Variants in KPNA7 observed in about 807,000 individuals in gnomAD.
KPNA7 encodes the protein karyopherin subunit alpha 7.
KPNA7 carries 54 observed loss-of-function variants against 53.7 expected under a neutral mutation model. The observed-to-expected ratio is 1.01, with a 90% CI of 0.81 to 1.26. The LOEUF is 1.26. KPNA7 is among the 50% of genes most tolerant of loss of function. The pLI, the probability that KPNA7 is intolerant of heterozygous loss-of-function variation, is 0.00. For missense variants in KPNA7, 640 were observed against 644.5 expected, an observed-to-expected ratio of 0.99 and a Z score of 0.07; for synonymous variants, 276 against 259.3, an observed-to-expected ratio of 1.06 and a Z score of -0.62.
At chr7:99,198,687 A>C (rs1422616928) in intron 3 of KPNA7, among the ~76,000 whole-genome samples, 1 of 152,216 alleles carries the variant, frequency 6.6e-6, no homozygotes, top group Non-Finnish European at 1.5e-5. Flanking sequence ...TAATGGTGAA[A>C]GTCTAAAAGA....
In KPNA7 at chr7:99,185,040, G is replaced by C; in HGVS notation, c.1023C>G (p.Ile341Met). The C allele has an allele frequency of 6.4e-7, 1 of 1,551,888 alleles. No individual in the cohort carries two copies. The highest frequency in any genetic ancestry group is 8.7e-7 in the Non-Finnish European group (1 of 1,147,032). Residue 341 changes from isoleucine to methionine, a missense_variant, in exon 8 of 11, where the codon ATC becomes ATG. Transcript: ENST00000327442. The stretch of plus-strand genomic sequence containing the variant: ...TCAGGGCCCAGGCTGCCTCCTTCTG[G>C]ATGGAGGGCTTGTTGTGTTGCAGGA... ...PQLLQHNKPS[I>M]QKEAAWALSN...
upstream of KPNA7, among the ~76,000 whole-genome samples, chr7:99,208,739 G>C (rs1219596360): frequency 6.6e-6 from 1 of 152,210 alleles, no homozygotes; most frequent in Non-Finnish European, 1.5e-5. Context: ...AGTAGGCTGT[G>C]AACACTGTGG....
In KPNA7 at chr7:99,196,105, A is replaced by T. The variant is rs1213769870; in HGVS notation, c.263T>A (p.Phe88Tyr). 3 of 1,551,728 alleles carry T rather than the reference A, an allele frequency of 1.9e-6. No homozygotes were observed. The African/African-American group carries it at 4.1e-5, about 21-fold the overall frequency. Residue 88 changes from phenylalanine to tyrosine, a missense_variant, in exon 4 of 11, where the codon TTC becomes TAC. By Grantham distance (22) the Phe-to-Tyr change is conservative. Coordinates refer to ENST00000327442, the MANE Select transcript of KPNA7 (RefSeq NM_001145715.3). ...ATACCTGGCTGTCTGGGTGGCCTGG[A>T]AACATAGGACTGGATCTGAGCTATT... ...GVNSSDPVLC[F>Y]QATQTARKML... is the part of the protein sequence containing the mutation.
downstream of KPNA7, among the ~76,000 whole-genome samples, chr7:99,171,448 T>A (rs1008287441): frequency 5.9e-5 from 9 of 152,236 alleles, no homozygotes; most frequent in African/African-American, 2.2e-4. Context: ...CCTCATGCGA[T>A]CGTTTGTTTT....
At chr7:99,202,226 G>T (rs977945478) in intron 3 of KPNA7, among the ~76,000 whole-genome samples, 6 of 152,076 alleles carry the variant, frequency 3.9e-5, no homozygotes, top group African/African-American at 1.4e-4. Context: ...GGGTAAAAAG[G>T]GTGCATGTGG....
intron 3 of KPNA7, among the ~76,000 whole-genome samples, chr7:99,196,551 G>A (rs1430440015): frequency 6.6e-6 from 1 of 152,164 alleles, no homozygotes; most frequent in Non-Finnish European, 1.5e-5. Flanking sequence ...ATTGACCAAA[G>A]GCTTGCGGCC....
chr7:99,212,062 A>T (rs1233474600), upstream of KPNA7, among the ~76,000 whole-genome samples: 1 of 151,962 alleles, frequency 6.6e-6, no homozygotes, highest in African/African-American at 2.4e-5. Flanking sequence ...TTGGCTTAAG[A>T]CTATCTCAGG....
Position 99,181,959 on chromosome 7 carries a change from G to A in KPNA7, c.1241C>T (p.Pro414Leu), listed in dbSNP as rs762142648. The A allele has an allele frequency of 6.4e-7, 1 of 1,551,418 alleles. No homozygotes were observed. The highest frequency in any genetic ancestry group is 8.7e-7 in the Non-Finnish European group (1 of 1,146,774). The change falls in exon 9 of 11, where the codon CCA (proline) becomes CTA (leucine). Residue 414 changes from proline to leucine, a missense_variant. Coordinates refer to ENST00000327442, the MANE Select transcript of KPNA7 (RefSeq NM_001145715.3). ...IQLVHSGVLE[P>L]LVNLLTAPDV... is the part of the protein sequence containing the mutation. ...TGGGGCAGTGAGCAGATTCACCAGT[G>A]GCTCCAGGACCCCAGAGTGGACGAG...
In KPNA7 at chr7:99,203,149, A is replaced by G; in HGVS notation, c.158T>C (p.Phe53Ser). The change falls in exon 3 of 11, where the codon TTC becomes TCC. Residue 53 changes from phenylalanine (F) to serine (S), a missense_variant. Coordinates refer to ENST00000327442, the MANE Select transcript of KPNA7 (RefSeq NM_001145715.3). ...QTLKRRNITS[F>S]CPDTPSEKTA... is the part of the protein sequence containing the mutation. ...TTTTTCAGAAGGTGTGTCAGGGCAG[A>G]AGCTCGTGATATTCCTTCTCTTTAA... The G allele has an allele frequency of 6.4e-7, 1 of 1,551,640 alleles. No homozygotes were observed. Among genetic ancestry groups the G allele is most frequent in the South Asian group, 1.2e-5 (1 of 84,044 alleles).
chr7:99,154,935 A>G, the KPNA7 span, among the ~76,000 whole-genome samples: 1 of 152,184 alleles, frequency 6.6e-6, no homozygotes, highest in African/African-American at 2.4e-5. Context: ...CCTCAATTCT[A>G]TCTCCTAGTC....
intron 10 of KPNA7, among the ~76,000 whole-genome samples, chr7:99,174,178 TAG>T (rs1554459393): frequency 2.6e-5 from 4 of 152,114 alleles, no homozygotes; most frequent in African/African-American, 9.7e-5. Flanking sequence ...GCAGCAGCAT[TAG>T]ATTCTCATAG....
intron 8 of KPNA7, among the ~76,000 whole-genome samples, 159 bp from the exon 9 acceptor site, chr7:99,182,224 C>T (rs1789291484): frequency 6.6e-6 from 1 of 151,834 alleles, no homozygotes; most frequent in African/African-American, 2.4e-5. Context: ...TTTCTTTCCC[C>T]CCTCACTCTG....
chr7:99,206,833 C>T (rs549088341), intron 2 of KPNA7, among the ~76,000 whole-genome samples: 7 of 152,256 alleles, frequency 4.6e-5, no homozygotes, highest in South Asian at 2.1e-4. Context: ...CAAGATTCCA[C>T]GGAAACTTTG....
the KPNA7 span, among the ~76,000 whole-genome samples, chr7:99,146,196 C>T: frequency 6.6e-6 from 1 of 152,160 alleles, no homozygotes; most frequent in Non-Finnish European, 1.5e-5. Context: ...CCCAGGTGTT[C>T]CTGACCTGGA....
chr7:99,189,970 A>G (rs1453037195), intron 6 of KPNA7, among the ~76,000 whole-genome samples: 1 of 152,030 alleles, frequency 6.6e-6, no homozygotes, highest in Non-Finnish European at 1.5e-5. Context: ...CCAAGTCACC[A>G]AACACAGCAG....
At chr7:99,168,736 G>A (rs937117600), downstream of KPNA7, among the ~76,000 whole-genome samples, 3 of 152,114 alleles carry the variant, frequency 2.0e-5, no homozygotes, top group African/African-American at 7.2e-5. Flanking sequence ...GGCCTCAAAC[G>A]ATTCTTCCAC....
At chr7:99,188,746 T>A (rs186947070) in intron 6 of KPNA7, among the ~76,000 whole-genome samples, 183 bp from the exon 7 acceptor site, 1 of 152,304 alleles carries the variant, frequency 6.6e-6, no homozygotes, top group East Asian at 1.9e-4. Context: ...GATGCAATCT[T>A]GGCTCACTGC....
the KPNA7 span, among the ~76,000 whole-genome samples, chr7:99,165,648 C>A: frequency 6.6e-6 from 1 of 152,174 alleles, no homozygotes; most frequent in Admixed American, 6.5e-5. Flanking sequence ...TCAAAGGCCA[C>A]CAAAGACCTG....
intron 8 of KPNA7, among the ~76,000 whole-genome samples, chr7:99,183,413 A>C (rs1789386437): frequency 6.6e-6 from 1 of 152,172 alleles, no homozygotes; most frequent in Admixed American, 6.5e-5. Flanking sequence ...AAAACAAAAC[A>C]AATAACTTAT....
Sources: allele counts gnomAD v4.1 joint callset (sites outside exome capture counted in the v4.1 genomes callset), GRCh38; gene constraint gnomAD v4.1.1; transcripts MANE v1.5; gene names NCBI Gene and HGNC (gene_info 2026-07-23, HGNC 2026-07-21).